The following PTPN14 variants were observed in gnomAD, a reference collection of about 807,000 sequenced individuals.
PTPN14 encodes the protein protein tyrosine phosphatase non-receptor type 14, also known as tyrosine-protein phosphatase non-receptor type 14.
A neutral mutation model predicts 126.8 loss-of-function variants in PTPN14; 53 were observed. The ratio of observed to expected loss-of-function variants is 0.42; its 90% confidence interval spans 0.34 to 0.53. The LOEUF is 0.53. PTPN14 is among the 20% of genes least tolerant of loss of function. PTPN14 has a pLI of 0.08. For missense variants in PTPN14, 1,257 were observed against 1,552.9 expected (o/e 0.81, Z 3.20); for synonymous variants, 630 against 599.3 (o/e 1.05, Z -0.75).
At chr1:214,420,415 C>T (rs1659518486) in intron 3 of PTPN14, among the ~76,000 whole-genome samples, 1 of 152,124 alleles carries the variant, frequency 6.6e-6, no homozygotes, top group Non-Finnish European at 1.5e-5. Flanking sequence ...AATAAGATTC[C>T]TTCAGTTTCA....
In PTPN14 at chr1:214,383,845, C is replaced by A. The variant is rs750638867; in HGVS notation, c.2010G>T (p.Thr670=). The A allele has an allele frequency of 1.2e-6, 2 of 1,612,484 alleles. No individual in the cohort carries two copies. Among genetic ancestry groups the A allele is most frequent in the Non-Finnish European group, 1.7e-6 (2 of 1,179,984 alleles). ...CCTCGGGCGGTCCCTGCTCCCGGAG[C>A]GTGTTGCGGCGAGCCATGGGGAGGT... ...SLHLPMARRN[T]LREQGPPEEG... Residue 670 remains threonine, a synonymous_variant, in exon 13 of 19, where the codon ACG becomes ACT. Transcript: ENST00000366956. The surrounding 1 kb of genome is among the most constrained non-coding windows in gnomAD (Gnocchi z 4.4).
chr1:214,422,045 T>C (rs1669335956), intron 3 of PTPN14, among the ~76,000 whole-genome samples: 1 of 152,004 alleles, frequency 6.6e-6, no homozygotes, highest in Admixed American at 6.6e-5. Context: ...GTAGATGAAA[T>C]ACTGACAGAG....
chr1:214,388,362 G>A (rs1412245788), intron 11 of PTPN14, among the ~76,000 whole-genome samples: 2 of 151,664 alleles, frequency 1.3e-5, no homozygotes, highest in South Asian at 4.2e-4. Context: ...AAACGCTTAC[G>A]TTTGTAAGCC....
chr1:214,376,787 G>A (rs1658352685), intron 14 of PTPN14, among the ~76,000 whole-genome samples: 1 of 152,156 alleles, frequency 6.6e-6, no homozygotes, highest in South Asian at 2.1e-4. Flanking sequence ...CTGTTTTTAA[G>A]ATGATACTGG....
intron 5 of PTPN14, 33 bp downstream of exon 5, chr1:214,411,651 A>C (rs756339647): frequency 1.4e-6 from 2 of 1,396,018 alleles, no homozygotes; most frequent in African/African-American, 1.5e-5. Flanking sequence ...AAGAAGGTAG[A>C]AAATTAATTA....
Position 214,551,565 on chromosome 1 carries a change from G to T in PTPN14, c.-537C>A, listed in dbSNP as rs928448660. 4.6e-5 allele frequency: 7 copies of T among 152,328 alleles called. No homozygotes were observed. The highest frequency in any genetic ancestry group is 1.7e-4 in the African/African-American group (7 of 41,440). 9.4% of individuals were successfully genotyped at this position (152,328 alleles called of 1,614,324 possible). A position where few individuals can be genotyped will look rare whatever the true frequency, so the allele number is the denominator to read the frequency against. ...CACAGCAACCTGCCCCCGAGTCTGC[G>T]CCCGCTGCGCTCACTCCGCCGAGAA... On this transcript the variant is annotated 5_prime_UTR_variant, in exon 1 of 19. Coordinates refer to ENST00000366956, the MANE Select transcript of PTPN14 (RefSeq NM_005401.5).
chr1:214,457,117 T>C (rs908163443), intron 2 of PTPN14, among the ~76,000 whole-genome samples: 1 of 152,196 alleles, frequency 6.6e-6, no homozygotes, highest in African/African-American at 2.4e-5. Context: ...AACTTTTATG[T>C]GATAATAGGA....
At chr1:214,392,200 G>A (rs577614595) in intron 10 of PTPN14, among the ~76,000 whole-genome samples, 1 of 152,210 alleles carries the variant, frequency 6.6e-6, no homozygotes, top group South Asian at 2.1e-4. Flanking sequence ...GAGAAAGAGA[G>A]AGAGAGAGCG....
intron 1 of PTPN14, among the ~76,000 whole-genome samples, chr1:214,465,948 T>A (rs1247682309): frequency 8.5e-6 from 1 of 117,576 alleles, no homozygotes; most frequent in Admixed American, 9.8e-5. Context: ...AATCAGTTAC[T>A]TCCTTTTTTT....
chr1:214,363,519 T>C (rs1178075460), intron 18 of PTPN14, among the ~76,000 whole-genome samples: 1 of 152,162 alleles, frequency 6.6e-6, no homozygotes, highest in South Asian at 2.1e-4. Flanking sequence ...TTTCAAGCCA[T>C]ATAATTTGAA....
Position 214,462,227 on chromosome 1 carries a change from C to T in PTPN14, c.174+2403G>A, listed in dbSNP as rs75386222. Among the ~76,000 whole-genome samples the T allele has an allele frequency of 3.5e-3, 531 of 152,292 alleles. 1 individual carries two copies. The highest frequency in any genetic ancestry group is 0.012 in the African/African-American group (505 of 41,554). On this transcript the variant is annotated intron_variant, in intron 2 of 18. Transcript: ENST00000366956. Reference sequence around the variant, plus strand: ...CCTCAGCAATGGAATGTCAATCACACTACGGCACACACTTGGCAATGCACT... The same window carrying T: ...CCTCAGCAATGGAATGTCAATCACATTACGGCACACACTTGGCAATGCACT...
chr1:214,369,289 A>G (rs1473215534), intron 17 of PTPN14, among the ~76,000 whole-genome samples, 168 bp downstream of exon 17: 2 of 152,226 alleles, frequency 1.3e-5, no homozygotes, highest in African/African-American at 2.4e-5. Flanking sequence ...GACATGTATT[A>G]TTATACTCTG....
chr1:214,350,610 G>C lies in PTPN14; in HGVS notation c.*7312C>G, dbSNP rs995595686. 7.0e-6 allele frequency: 1 copy of C among 143,414 alleles called. No individual in the cohort carries two copies. The highest frequency in any genetic ancestry group is 2.0e-4 in the East Asian group (1 of 4,880). The allele number at this position is 143,414 out of a possible 1,614,324, so 8.9% of individuals were successfully genotyped here. A position where few individuals can be genotyped will look rare whatever the true frequency, so the allele number is the denominator to read the frequency against. On this transcript the variant is annotated 3_prime_UTR_variant, in exon 19 of 19. Transcript: ENST00000366956. ...GGCTGGAGTGCAGTGGCATGATCTC[G>C]GCTCACTGCAACCTCCACCTCCCGG...
At position 214,386,913 on chromosome 1, in the gene PTPN14, G is replaced by C; in HGVS notation, c.997C>G (p.Gln333Glu). 2 of 1,602,076 alleles carry C rather than the reference G, an allele frequency of 1.2e-6. No homozygotes were observed. The highest frequency in any genetic ancestry group is 1.7e-6 in the Non-Finnish European group (2 of 1,169,842). Residue 333 changes from glutamine (Q) to glutamate (E), a missense_variant, in exon 12 of 19, where the codon CAG becomes GAG. By Grantham distance (29) the Gln-to-Glu change is conservative. This residue lies in a region of PTPN14 where 1,021 missense variants were observed against 1,183.3 expected (regional missense o/e 0.86). Coordinates refer to ENST00000366956, the MANE Select transcript of PTPN14 (RefSeq NM_005401.5). ...TWSRSSLPRQ[Q>E]PYILPPVHVQ... ...TGAACGGGAGGCAGGATGTACGGCTGCTGCCTGGGCTGAAACAGAGAACAC... is the reference window on the plus strand; with the variant it reads ...TGAACGGGAGGCAGGATGTACGGCTCCTGCCTGGGCTGAAACAGAGAACAC...
At chr1:214,514,344 T>C (rs1293221370) in intron 1 of PTPN14, among the ~76,000 whole-genome samples, 27 of 152,182 alleles carry the variant, frequency 1.8e-4, no homozygotes, top group Admixed American at 1.8e-3. Flanking sequence ...GCCGCATGTA[T>C]GGGTCCTACT....
At chr1:214,472,698 G>C (rs1161754110) in intron 1 of PTPN14, among the ~76,000 whole-genome samples, 1 of 152,122 alleles carries the variant, frequency 6.6e-6, no homozygotes. Flanking sequence ...CAGAGAAAAG[G>C]GATGAGAGTT....
At chr1:214,404,386 G>C (rs894084058) in intron 5 of PTPN14, among the ~76,000 whole-genome samples, 4 of 152,194 alleles carry the variant, frequency 2.6e-5, no homozygotes, top group African/African-American at 4.8e-5. Context: ...TCCGTGATAG[G>C]AAATAAGCTC....
chr1:214,548,068 A>G (rs747056494), intron 1 of PTPN14, among the ~76,000 whole-genome samples: 4 of 152,196 alleles, frequency 2.6e-5, no homozygotes, highest in Non-Finnish European at 4.4e-5. Context: ...TGTGTGAGGT[A>G]CTGTTATACA....
At chr1:214,361,417 G>A (rs983910927) in intron 18 of PTPN14, among the ~76,000 whole-genome samples, 9 of 152,170 alleles carry the variant, frequency 5.9e-5, no homozygotes, top group African/African-American at 2.2e-4. Flanking sequence ...TGTCTGATAT[G>A]TTCAAGTCTG....
Sources: gnomAD v4.1 joint callset for allele counts (sites outside exome capture counted in the v4.1 genomes callset) on GRCh38, gnomAD v4.1.1 for gene constraint, gnomAD v4.1.1 regional missense constraint, Gnocchi (gnomAD v3.1) non-coding constraint, MANE v1.5 for transcripts, NCBI Gene and HGNC (gene_info 2026-07-23, HGNC 2026-07-21) for gene names.